Variants in EXD3 observed in about 807,000 individuals in gnomAD.
EXD3 encodes the protein exonuclease mut-7 homolog.
Under a neutral mutation model 98.0 loss-of-function variants are expected in EXD3, and 92 were observed. The observed-to-expected ratio is 0.94, with a 90% CI of 0.79 to 1.12. The LOEUF is 1.12. Among genes scored for constraint, EXD3 ranks in the 50% most tolerant of loss-of-function variants. The pLI is 0.00. For synonymous variants in EXD3, 569 were observed against 526.0 expected, an observed-to-expected ratio of 1.08 and a Z score of -1.12; for missense variants, 1,222 against 1,191.6, an observed-to-expected ratio of 1.03 and a Z score of -0.38.
chr9:137,391,398 G>A (rs1298430555), intron 2 of EXD3, among the ~76,000 whole-genome samples: 1 of 152,196 alleles, frequency 6.6e-6, no homozygotes, highest in African/African-American at 2.4e-5. Context: ...GCAGGCCCAA[G>A]CTGTAGGGCA....
intron 2 of EXD3, among the ~76,000 whole-genome samples, chr9:137,388,304 C>G (rs975291461): frequency 6.6e-6 from 1 of 151,944 alleles, no homozygotes; most frequent in Admixed American, 6.5e-5. Context: ...GACGGCTCCA[C>G]CATCTGTCCC....
At position 137,318,699 on chromosome 9, in the gene EXD3, G is replaced by A. The variant is rs538742743; in HGVS notation, c.2184+5026C>T. 4.0e-3 allele frequency among the ~76,000 whole-genome samples: 605 copies of A among 152,236 alleles called. 11 individuals carry two copies. Among genetic ancestry groups the A allele is most frequent in the African/African-American group, 0.014 (585 of 41,550 alleles). On this transcript the variant is annotated intron_variant, in intron 19 of 21. Coordinates refer to ENST00000340951, the MANE Select transcript of EXD3 (RefSeq NM_017820.5). The stretch of plus-strand genomic sequence containing the variant: ...GTGGCTTCTGTGGGTGGGCCGGTGG[G>A]CCATCCTCGCTCGAGGGGAGACCCT...
chr9:137,363,921 C>T (rs1464672578), intron 7 of EXD3, among the ~76,000 whole-genome samples: 1 of 152,026 alleles, frequency 6.6e-6, no homozygotes, highest in Admixed American at 6.6e-5. Context: ...TAATAATGTC[C>T]CCCCTTTCAT....
At chr9:137,307,421 T>C (rs1026546053) in intron 21 of EXD3, among the ~76,000 whole-genome samples, 158 bp from the exon 22 acceptor site, 7 of 152,112 alleles carry the variant, frequency 4.6e-5, no homozygotes, top group African/African-American at 1.7e-4. Flanking sequence ...CGTCCTCCAC[T>C]TCCTCTTCTG....
rs78357265 is a variant in EXD3 at position 137,417,308 on chromosome 9, G to A, written c.-48+5806C>T. The stretch of plus-strand genomic sequence containing the variant: ...GTGAAAATGGGAAAGGCGGCGGGTG[G>A]TGAGCACAGCACACCCCGGCAGCGC... On this transcript the variant is annotated intron_variant, in intron 1 of 21. Coordinates refer to ENST00000340951, the MANE Select transcript of EXD3 (RefSeq NM_017820.5). Among the ~76,000 whole-genome samples the A allele has an allele frequency of 3.2e-3, 495 of 152,336 alleles. 5 individuals are homozygous for A. Among genetic ancestry groups the A allele is most frequent in the African/African-American group, 0.011 (448 of 41,584 alleles).
Position 137,330,636 on chromosome 9 carries a change from T to C in EXD3, c.1999-6493A>G, listed in dbSNP as rs148007482. 1.3e-4 allele frequency among the ~76,000 whole-genome samples: 17 copies of C among 135,962 alleles called. 3 individuals are homozygous for C. Among genetic ancestry groups the C allele is most frequent in the East Asian group, 5.5e-4 (2 of 3,650 alleles). The allele number at this position is 135,962 out of a possible 152,430, so 89.2% of individuals were successfully genotyped here. On this transcript the variant is annotated intron_variant, in intron 17 of 21. Transcript: ENST00000340951. ...GGACTACACAGGAACTACACAGGAC[T>C]ACACAGGAGCTACACAGGACTGATG...
rs9696260 is a variant in EXD3 at position 137,390,939 on chromosome 9, C to T, written c.55+4364G>A. On this transcript the variant is annotated intron_variant, in intron 2 of 21. Coordinates refer to ENST00000340951, the MANE Select transcript of EXD3 (RefSeq NM_017820.5). ...AGTGAGGGTGGCTCAGAGGCTGCCA[C>T]AAAGTGCCTGTGACCTCGTCGTGGG... 8.3e-3 allele frequency among the ~76,000 whole-genome samples: 1,264 copies of T among 152,356 alleles called. 22 individuals are homozygous for T. Among genetic ancestry groups the T allele is most frequent in the African/African-American group, 0.029 (1,199 of 41,580 alleles).
At chr9:137,323,631 C>T (rs928936948) in intron 19 of EXD3, 94 bp downstream of exon 19, 25 of 1,497,108 alleles carry the variant, frequency 1.7e-5, no homozygotes, top group Middle Eastern at 2.1e-4. Context: ...ACCCCAGACC[C>T]ACCACTGTCT....
intron 16 of EXD3, among the ~76,000 whole-genome samples, chr9:137,348,906 G>A (rs1372388840): frequency 6.6e-6 from 1 of 152,004 alleles, no homozygotes; most frequent in Non-Finnish European, 1.5e-5. Context: ...TGCCTCCTGA[G>A]CAGTGACCCC....
chr9:137,315,069 T>C (rs1358937023), intron 19 of EXD3, among the ~76,000 whole-genome samples: 10 of 152,266 alleles, frequency 6.6e-5, no homozygotes. Flanking sequence ...CCTTGGAATG[T>C]GCCCCCTGGA....
At chr9:137,365,627 A>G (rs1835190948) in intron 7 of EXD3, 1 of 216,766 alleles carries the variant, frequency 4.6e-6, no homozygotes, top group Non-Finnish European at 9.3e-6. Flanking sequence ...ACCTGCAGGC[A>G]CACACACGTG....
chr9:137,348,279 C>T, intron 16 of EXD3, 41 bp from the exon 17 acceptor site: 1 of 1,575,280 alleles, frequency 6.3e-7, no homozygotes. Context: ...GGTCACCCCC[C>T]AGCCCCTCAC....
intron 3 of EXD3, among the ~76,000 whole-genome samples, chr9:137,378,459 C>T (rs1210587822): frequency 1.3e-5 from 2 of 152,218 alleles, no homozygotes; most frequent in Non-Finnish European, 2.9e-5. Context: ...GATCCTATCA[C>T]CTCAGCCTCC....
intron 1 of EXD3, among the ~76,000 whole-genome samples, chr9:137,408,990 C>A (rs1363515924): frequency 6.6e-6 from 1 of 152,234 alleles, no homozygotes; most frequent in African/African-American, 2.4e-5. Context: ...GTCGGCCTGT[C>A]CCTTCTGTGG....
intron 2 of EXD3, chr9:137,392,676 T>C: frequency 3.0e-6 from 1 of 333,592 alleles, no homozygotes; most frequent in South Asian, 2.4e-5. Context: ...AGCGCCAGGC[T>C]GTTCCAGGGG....
intron 19 of EXD3, among the ~76,000 whole-genome samples, chr9:137,318,212 C>A (rs990068016): frequency 6.6e-6 from 1 of 152,132 alleles, no homozygotes; most frequent in South Asian, 2.1e-4. Context: ...TCCTCGAGAA[C>A]CCCCTCTTGG....
chr9:137,317,803 C>T (rs1831770934), intron 19 of EXD3, among the ~76,000 whole-genome samples: 1 of 152,204 alleles, frequency 6.6e-6, no homozygotes, highest in Admixed American at 6.5e-5. Flanking sequence ...GCTGCTGAAA[C>T]TTGCCCTGCA....
chr9:137,417,176 C>T (rs977567052), intron 1 of EXD3, among the ~76,000 whole-genome samples: 9 of 152,178 alleles, frequency 5.9e-5, no homozygotes, highest in African/African-American at 2.2e-4. Flanking sequence ...GGGGAGAAGT[C>T]AGGTGGGCGG....
rs564032389 is a variant in EXD3, at chr9:137,352,655, C to T, written c.1002G>A (p.Val334=). ...GCCTGAACCGGCGGAGTTCCACAGCCACCGCAGCCGGCAGCCGCTCCTCGG... is the reference window on the plus strand; with the variant it reads ...GCCTGAACCGGCGGAGTTCCACAGCTACCGCAGCCGGCAGCCGCTCCTCGG... ...LLPEERLPAA[V]AVELRRFRLQ... The change falls in exon 11 of 22, where the codon GTG becomes GTA. Residue 334 remains valine (V), a synonymous_variant. Transcript: ENST00000340951. 1 of 1,548,940 alleles carries T rather than the reference C, an allele frequency of 6.5e-7. No homozygotes were observed. The highest frequency in any genetic ancestry group is 8.7e-7 in the Non-Finnish European group (1 of 1,146,718).
Sources: allele counts gnomAD v4.1 joint callset (sites outside exome capture counted in the v4.1 genomes callset), GRCh38; gene constraint gnomAD v4.1.1; transcripts MANE v1.5; gene names NCBI Gene and HGNC (gene_info 2026-07-23, HGNC 2026-07-21).